LIFR: variants seen among roughly 807,000 people sequenced by gnomAD.
LIFR encodes LIF receptor subunit alpha.
Under a neutral mutation model 122.2 loss-of-function variants are expected in LIFR, and 84 were observed. The observed-to-expected ratio is 0.69, with a 90% CI of 0.58 to 0.82. The LOEUF (loss-of-function observed/expected upper bound fraction) is 0.82. LIFR is among the 40% of genes least tolerant of loss of function. LIFR has a pLI of 0.00. For synonymous variants in LIFR, 422 were observed against 434.7 expected (o/e 0.97, Z 0.36); for missense variants, 1,294 against 1,311.6 (o/e 0.99, Z 0.21).
intron 5 of LIFR, among the ~76,000 whole-genome samples, 199 bp downstream of exon 5, chr5:38,523,220 C>T (rs951193960): frequency 3.9e-5 from 6 of 152,108 alleles, no homozygotes; most frequent in African/African-American, 1.4e-4. Context: ...ATTTCCTATG[C>T]TATCTGTAAT....
Position 38,478,061 on chromosome 5 carries a change from T to TG in LIFR, c.*3533dup. The TG allele has an allele frequency of 4.8e-6, 1 of 208,960 alleles. No homozygotes were observed. The highest frequency in any genetic ancestry group is 2.3e-5 in the African/African-American group (1 of 43,986). 12.9% of individuals were successfully genotyped at this position (208,960 alleles called of 1,614,324 possible). The stretch of plus-strand genomic sequence containing the variant: ...TTTTACTTTCAAAATACCATAAAAT[T>TG]GATTTTAAATTCCCTTTGGAAGAAA... On this transcript the variant is annotated 3_prime_UTR_variant, in exon 20 of 20. Transcript: ENST00000453190.
intron 2 of LIFR, among the ~76,000 whole-genome samples, chr5:38,601,368 G>A (rs557698395): frequency 2.2e-4 from 33 of 152,182 alleles, no homozygotes; most frequent in Non-Finnish European, 4.0e-4. Flanking sequence ...AGTCTGTGGT[G>A]TCTGGTTATA....
In LIFR at chr5:38,481,795, C is replaced by A. The variant is rs1035689314; in HGVS notation, c.3094G>T (p.Ala1032Ser). ...LDKTAGYRPQ[A>S]NVNTWNLVSP... The stretch of plus-strand genomic sequence containing the variant: ...ACTAAATTCCATGTATTTACATTGG[C>A]CTGAGGTCTGTAACCCGCAGTTTTA... The change falls in exon 20 of 20, where the codon GCC (alanine) becomes TCC (serine). Residue 1032 changes from alanine to serine, a missense_variant. Ala to Ser is a moderately conservative substitution (Grantham distance 99). Coordinates refer to ENST00000453190, the MANE Select transcript of LIFR (RefSeq NM_001127671.2). 7 of 1,613,902 alleles carry A rather than the reference C, an allele frequency of 4.3e-6. No homozygotes were observed. The highest frequency in any genetic ancestry group is 5.9e-6 in the Non-Finnish European group (7 of 1,179,990).
chr5:38,553,614 C>T lies in LIFR; in HGVS notation c.-20+2720G>A, dbSNP rs1166134836. Among the ~76,000 whole-genome samples the T allele has an allele frequency of 8.0e-5, 7 of 87,942 alleles. No homozygotes were observed. In the Admixed American group the frequency reaches 8.2e-4, roughly 10 times the overall value. 57.7% of individuals were successfully genotyped at this position (87,942 alleles called of 152,430 possible). A position where few individuals can be genotyped will look rare whatever the true frequency, so the allele number is the denominator to read the frequency against. ...CTTAAATTCTAAGAGGAGTTTGGAC[C>T]ATTTAAACTATATATATATATATAT... On this transcript the variant is annotated intron_variant, in intron 1 of 19. Coordinates refer to ENST00000453190, the MANE Select transcript of LIFR (RefSeq NM_001127671.2).
upstream of LIFR, among the ~76,000 whole-genome samples, chr5:38,559,937 A>G (rs1327046475): frequency 2.0e-5 from 3 of 152,236 alleles, no homozygotes; most frequent in African/African-American, 4.8e-5. Context: ...TAATGTTTAA[A>G]TGAAACAAAA....
At chr5:38,539,647 T>C (rs1038384538) in intron 1 of LIFR, among the ~76,000 whole-genome samples, 2 of 152,100 alleles carry the variant, frequency 1.3e-5, no homozygotes, top group Non-Finnish European at 2.9e-5. Context: ...AAAAGAATAC[T>C]GGCTCAAATT....
chr5:38,487,044 C>T (rs1561133820), intron 16 of LIFR, among the ~76,000 whole-genome samples: 1 of 152,138 alleles, frequency 6.6e-6, no homozygotes, highest in Non-Finnish European at 1.5e-5. Flanking sequence ...AGATTTTCCA[C>T]GTGGTCAAAC....
chr5:38,497,539 T>G (rs373882215), intron 12 of LIFR, among the ~76,000 whole-genome samples: 93 of 152,346 alleles, frequency 6.1e-4, no homozygotes, highest in African/African-American at 2.1e-3. Flanking sequence ...AAAAATAGCA[T>G]CATGGGTTTT....
Position 38,511,838 on chromosome 5 carries a change from A to G in LIFR, c.688T>C (p.Ser230Pro). 1 of 1,614,126 alleles carries G rather than the reference A, an allele frequency of 6.2e-7. No homozygotes were observed. Among genetic ancestry groups the G allele is most frequent in the Non-Finnish European group, 8.5e-7 (1 of 1,179,958 alleles). The part of the protein sequence containing the change: ...IRCYIDNLHF[S>P]GLEEWSDWSP... ...CAGTCACTCCACTCTTCGAGACCAG[A>G]AAAATGAAGATTGTCAATGTAGCAT... Residue 230 changes from serine (S) to proline (P), a missense_variant, in exon 6 of 20, where the codon TCT becomes CCT. Physicochemically the swap from Ser to Pro is moderately conservative, Grantham distance 74 (BLOSUM62 -1). Coordinates refer to ENST00000453190, the MANE Select transcript of LIFR (RefSeq NM_001127671.2).
intron 1 of LIFR, among the ~76,000 whole-genome samples, chr5:38,581,301 C>G (rs1008538575): frequency 2.6e-5 from 4 of 152,144 alleles, no homozygotes; most frequent in African/African-American, 4.8e-5. Flanking sequence ...ACTTTCCTAG[C>G]AGGACGTTTA....
intron 7 of LIFR, among the ~76,000 whole-genome samples, chr5:38,509,656 G>C (rs566820377): frequency 6.6e-6 from 1 of 152,160 alleles, no homozygotes; most frequent in East Asian, 1.9e-4. Context: ...GCGACCTTTA[G>C]ACCAAAATCC....
intron 11 of LIFR, 148 bp from the exon 12 acceptor site, chr5:38,499,731 C>A: frequency 1.5e-6 from 1 of 688,914 alleles, no homozygotes; most frequent in Non-Finnish European, 2.6e-6. Flanking sequence ...AATGGAAAAT[C>A]TAAGCTCTCA....
At chr5:38,553,647 T>TAC (rs1438761214) in intron 1 of LIFR, among the ~76,000 whole-genome samples, 16 of 96,644 alleles carry the variant, frequency 1.7e-4, no homozygotes, top group African/African-American at 6.0e-4. Context: ...TATATATATA[T>TAC]ATATATATAT....
chr5:38,531,368 A>G (rs985497024), intron 1 of LIFR, among the ~76,000 whole-genome samples: 2 of 152,208 alleles, frequency 1.3e-5, no homozygotes, highest in African/African-American at 4.8e-5. Flanking sequence ...GGCACCAAAG[A>G]TCACAAAACA....
Position 38,528,877 on chromosome 5 carries a change from CAG to C in LIFR, c.143-39_143-38del, listed in dbSNP as rs771695512. 4.3e-4 allele frequency: 171 copies of C among 393,156 alleles called. 1 individual carries two copies. Among genetic ancestry groups the C allele is most frequent in the Admixed American group, 7.5e-4 (12 of 16,020 alleles). 24.4% of individuals were successfully genotyped at this position (393,156 alleles called of 1,614,324 possible). ...ACACACACACACACACACACACACA[CAG>C]ACACACATAAACACAGAATATGCTG... On this transcript the variant is annotated intron_variant, in intron 2 of 19. Coordinates refer to ENST00000453190, the MANE Select transcript of LIFR (RefSeq NM_001127671.2).
intron 11 of LIFR, 46 bp from the exon 12 acceptor site, chr5:38,499,629 T>C (rs1745073668): frequency 3.1e-6 from 4 of 1,292,340 alleles, no homozygotes; most frequent in East Asian, 2.3e-5. Flanking sequence ...ACATACTATA[T>C]GTATATGGTG....
At chr5:38,560,309 C>G (rs887782453), upstream of LIFR, among the ~76,000 whole-genome samples, 9 of 152,066 alleles carry the variant, frequency 5.9e-5, no homozygotes, top group African/African-American at 2.2e-4. Context: ...CAGTGTTGGA[C>G]AAGATTCAAA....
chr5:38,556,077 C>A (rs1296677504), intron 1 of LIFR, among the ~76,000 whole-genome samples: 1 of 152,180 alleles, frequency 6.6e-6, no homozygotes, highest in South Asian at 2.1e-4. Context: ...CAGGTAACCT[C>A]TGGCCTCAGA....
At position 38,506,490 on chromosome 5, in the gene LIFR, C is replaced by G. The variant is rs1381379093; in HGVS notation, c.1121+13G>C. The G allele has an allele frequency of 6.2e-7, 1 of 1,614,018 alleles. No homozygotes were observed. Among genetic ancestry groups the G allele is most frequent in the East Asian group, 2.2e-5 (1 of 44,854 alleles). On this transcript the variant is annotated intron_variant, in intron 8 of 19. Transcript: ENST00000453190. The stretch of plus-strand genomic sequence containing the variant: ...CTCCTTGCCATCTGACATCTTTTCC[C>G]AGTTATCATTACCTTTCAACTAAAG...
Sources: gnomAD v4.1 joint callset for allele counts (sites outside exome capture counted in the v4.1 genomes callset) on GRCh38, gnomAD v4.1.1 for gene constraint, MANE v1.5 for transcripts, NCBI Gene and HGNC (gene_info 2026-07-23, HGNC 2026-07-21) for gene names.